The following ASB8 variants were observed in gnomAD, a reference collection of about 807,000 sequenced individuals.
ASB8 encodes the protein ankyrin repeat and SOCS box protein 8.
In ASB8, 15 loss-of-function variants were observed where a neutral mutation model predicts 22.9. The ratio of observed to expected loss-of-function variants is 0.66; its 90% CI spans 0.44 to 1.01. The LOEUF is 1.01. Ranked by LOEUF, ASB8 falls within the 50% of genes least tolerant of loss-of-function variation. The pLI is 0.00. For synonymous variants in ASB8, 124 were observed against 140.8 expected (o/e 0.88, Z 0.84); for missense variants, 294 against 356.9 (o/e 0.82, Z 1.42).
At chr12:48,156,070 C>A (rs965440407) in intron 1 of ASB8, among the ~76,000 whole-genome samples, 13 of 152,138 alleles carry the variant, frequency 8.5e-5, no homozygotes, top group Non-Finnish European at 1.3e-4. Context: ...AGCCACCATG[C>A]CCGGCCTATT....
intron 1 of ASB8, chr12:48,157,016 A>G (rs1488006968): frequency 2.0e-5 from 3 of 150,598 alleles, no homozygotes; most frequent in East Asian, 3.9e-4. Context: ...GCAAACTGGA[A>G]AAGAGAAGAC....
Position 48,149,358 on chromosome 12 carries a change from T to G in ASB8, c.*8A>C. On this transcript the variant is annotated 3_prime_UTR_variant, in exon 4 of 4. Transcript: ENST00000317697. ...CTGCCTGCACGATGGTGCAAACATC[T>G]TCTCCGGCTATTCTAAAAGTAACAG... 1 of 1,610,830 alleles carries G rather than the reference T, an allele frequency of 6.2e-7. No homozygotes were observed. Among genetic ancestry groups the G allele is most frequent in the Non-Finnish European group, 8.5e-7 (1 of 1,177,694 alleles).
rs34031535 is a variant in ASB8, at chr12:48,148,658, G to GTTTTTTTTTTTTTTT, written c.*693_*707dup. Reference sequence around the variant, plus strand: ...GTTTTTTCACAGATCAATTAAAATGGTTTTTTTTTTTTTTTTTTTTTTTTG... The same window carrying GTTTTTTTTTTTTTTT: ...GTTTTTTCACAGATCAATTAAAATGGTTTTTTTTTTTTTTTTTTTTTTTTTTTTTTTTTTTTTTTG... On this transcript the variant is annotated 3_prime_UTR_variant, in exon 4 of 4. Coordinates refer to ENST00000317697, the MANE Select transcript of ASB8 (RefSeq NM_024095.5). 8.0e-5 allele frequency: 5 copies of GTTTTTTTTTTTTTTT among 62,756 alleles called. 2 individuals carry two copies. The highest frequency in any genetic ancestry group is 3.2e-4 in the African/African-American group (5 of 15,466). 3.9% of individuals were successfully genotyped at this position (62,756 alleles called of 1,614,324 possible). A position where few individuals can be genotyped will look rare whatever the true frequency, so the allele number is the denominator to read the frequency against.
intron 2 of ASB8, chr12:48,151,566 T>G: frequency 6.8e-7 from 1 of 1,475,880 alleles, no homozygotes; most frequent in Non-Finnish European, 9.0e-7. Context: ...GATGGTCACC[T>G]GGACATCACT....
chr12:48,148,817 C>A lies in ASB8; in HGVS notation c.*549G>T, dbSNP rs763818205. On this transcript the variant is annotated 3_prime_UTR_variant, in exon 4 of 4. Transcript: ENST00000317697. ...TAGCTGGGATTACAGGCGCATGCCA[C>A]CATGCCCAGCTAATTTTTGTATTTT... 1 of 155,640 alleles carries A rather than the reference C, an allele frequency of 6.4e-6. No homozygotes were observed. The highest frequency in any genetic ancestry group is 1.4e-5 in the Non-Finnish European group (1 of 70,314). The allele number at this position is 155,640 out of a possible 1,614,324, so 9.6% of individuals were successfully genotyped here.
Position 48,151,499 on chromosome 12 carries a change from AG to A in ASB8, c.130-195del, listed in dbSNP as rs1455688584. 17 of 1,231,074 alleles carry A rather than the reference AG, an allele frequency of 1.4e-5. No individual in the cohort carries two copies. In the African/African-American group the frequency reaches 2.4e-4, roughly 18 times the overall value. 76.3% of individuals were successfully genotyped at this position (1,231,074 alleles called of 1,614,324 possible). A position where few individuals can be genotyped will look rare whatever the true frequency, so the allele number is the denominator to read the frequency against. The stretch of plus-strand genomic sequence containing the variant: ...AAGGAGTACACTGAAGATGAAGGAA[AG>A]GAACTGTTAATTCCTTAGATCAAGT... On this transcript the variant is annotated intron_variant, in intron 2 of 3. Transcript: ENST00000317697.
chr12:48,148,051 C>CA lies in ASB8; in HGVS notation c.*1314dup, dbSNP rs1951127671. ...GATCTCTTTTGGGTAGATGGACCAT[C>CA]ACAAAAGGAGCTCTTACATGCTTTT... is the stretch of plus-strand genomic sequence containing the variant. On this transcript the variant is annotated 3_prime_UTR_variant, in exon 4 of 4. Transcript: ENST00000317697. 6.6e-6 allele frequency: 1 copy of CA among 152,186 alleles called. No homozygotes were observed. Among genetic ancestry groups the CA allele is most frequent in the Admixed American group, 6.5e-5 (1 of 15,278 alleles). The allele number at this position is 152,186 out of a possible 1,614,324, so 9.4% of individuals were successfully genotyped here.
At chr12:48,156,190 G>A (rs1367675698) in intron 1 of ASB8, among the ~76,000 whole-genome samples, 1 of 152,110 alleles carries the variant, frequency 6.6e-6, no homozygotes, top group Non-Finnish European at 1.5e-5. Flanking sequence ...TCCATTAAAA[G>A]AATGCAAGTA....
At chr12:48,151,421 C>CA (rs765198613) in intron 2 of ASB8, 116 bp from the exon 3 acceptor site, 2 of 967,964 alleles carry the variant, frequency 2.1e-6, no homozygotes, top group Non-Finnish European at 3.0e-6. Flanking sequence ...TTTATAGATA[C>CA]AGTGCTAGTT....
intron 2 of ASB8, chr12:48,151,801 T>C (rs1174238979): frequency 2.4e-6 from 1 of 414,808 alleles, no homozygotes; most frequent in Admixed American, 3.2e-5. Context: ...ATCTTCAAAG[T>C]AGCCTCTTAG....
At chr12:48,150,698 A>C (rs912651070) in intron 3 of ASB8, among the ~76,000 whole-genome samples, 2 of 152,230 alleles carry the variant, frequency 1.3e-5, no homozygotes, top group African/African-American at 4.8e-5. Context: ...ACAAAAACAA[A>C]AAAAAACCCT....
In ASB8 at chr12:48,150,010, G is replaced by A. The variant is rs1951173662; in HGVS notation, c.235-12C>T. On this transcript the variant is annotated splice_polypyrimidine_tract_variant and intron_variant, in intron 3 of 3. Transcript: ENST00000317697. ...TCCAGGGCATTCACCTGTAAAAAGG[G>A]AGGAACTATTACAGTAGACAGACTA... is the stretch of plus-strand genomic sequence containing the variant. 2 of 1,609,290 alleles carry A rather than the reference G, an allele frequency of 1.2e-6. No homozygotes were observed. Among genetic ancestry groups the A allele is most frequent in the Admixed American group, 1.7e-5 (1 of 59,944 alleles).
At chr12:48,150,066 G>A in intron 3 of ASB8, 68 bp from the exon 4 acceptor site, 1 of 1,530,592 alleles carries the variant, frequency 6.5e-7, no homozygotes, top group Non-Finnish European at 9.0e-7. Context: ...CAGCAAAGAA[G>A]CTTGCATGGT....
chr12:48,150,053 C>T, intron 3 of ASB8, 55 bp from the exon 4 acceptor site: 2 of 1,564,276 alleles, frequency 1.3e-6, no homozygotes, highest in Non-Finnish European at 1.8e-6. Context: ...GAAGACAGGA[C>T]AGCAGCAAAG....
intron 2 of ASB8, among the ~76,000 whole-genome samples, chr12:48,151,849 T>G (rs1951208865): frequency 2.0e-5 from 3 of 152,188 alleles, no homozygotes; most frequent in Non-Finnish European, 4.4e-5. Flanking sequence ...TGCTGGTGCT[T>G]CTATTCAAAA....
intron 1 of ASB8, chr12:48,153,768 C>T (rs1325633166): frequency 3.9e-6 from 1 of 255,578 alleles, no homozygotes; most frequent in East Asian, 8.4e-5. Flanking sequence ...ACTAAGACCC[C>T]CGTGGAGCTC....
chr12:48,149,497 C>G lies in ASB8; in HGVS notation c.736G>C (p.Ala246Pro). The G allele has an allele frequency of 6.2e-7, 1 of 1,614,216 alleles. No individual in the cohort carries two copies. Among genetic ancestry groups the G allele is most frequent in the Non-Finnish European group, 8.5e-7 (1 of 1,180,044 alleles). ...GCGAGTGTTTTTAGAGTTCCTGGAG[C>G]TGAGCACAGAACAGTCAGTTTTTCA... ...LCEKLTVLCS[A>P]PGTLKTLARY... The change falls in exon 4 of 4, where the codon GCT becomes CCT. Residue 246 changes from alanine to proline, a missense_variant. Coordinates refer to ENST00000317697, the MANE Select transcript of ASB8 (RefSeq NM_024095.5).
chr12:48,150,914 A>G, intron 3 of ASB8: 1 of 541,914 alleles, frequency 1.8e-6, no homozygotes, highest in Non-Finnish European at 3.3e-6. Context: ...TCCTGAAGTG[A>G]TGGCCAGTGA....
At position 48,149,479 on chromosome 12, in the gene ASB8, T is replaced by C. The variant is rs1951158248; in HGVS notation, c.754A>G (p.Thr252Ala). The C allele has an allele frequency of 6.2e-7, 1 of 1,614,068 alleles. No homozygotes were observed. Among genetic ancestry groups the C allele is most frequent in the East Asian group, 2.2e-5 (1 of 44,880 alleles). The change falls in exon 4 of 4, where the codon ACA becomes GCA. Residue 252 changes from threonine to alanine, a missense_variant. Coordinates refer to ENST00000317697, the MANE Select transcript of ASB8 (RefSeq NM_024095.5). Reference sequence around the variant, plus strand: ...CGGCGCACGGCATAGCGAGCGAGTGTTTTTAGAGTTCCTGGAGCTGAGCAC... The same window carrying C: ...CGGCGCACGGCATAGCGAGCGAGTGCTTTTAGAGTTCCTGGAGCTGAGCAC... ...VLCSAPGTLK[T>A]LARYAVRRSL...
Sources: gnomAD v4.1 joint callset for allele counts (sites outside exome capture counted in the v4.1 genomes callset) on GRCh38, gnomAD v4.1.1 for gene constraint, MANE v1.5 for transcripts, NCBI Gene and HGNC (gene_info 2026-07-23, HGNC 2026-07-21) for gene names.